The following RNF170 variants were observed in gnomAD, a reference collection of about 807,000 sequenced individuals.
The protein encoded by RNF170 is E3 ubiquitin-protein ligase RNF170.
In RNF170, 12 loss-of-function variants were observed where a neutral mutation model predicts 32.7. That is an observed-to-expected ratio of 0.37 (90% CI 0.24 to 0.60). The LOEUF is 0.60. RNF170 is among the 20% of genes least tolerant of loss of function. The pLI is 0.72. For synonymous variants in RNF170, 91 were observed against 103.6 expected, an observed-to-expected ratio of 0.88 and a Z score of 0.74; for missense variants, 212 against 311.2, an observed-to-expected ratio of 0.68 and a Z score of 2.40.
chr8:42,864,978 T>G (rs1586497027), intron 5 of RNF170, among the ~76,000 whole-genome samples: 1 of 150,320 alleles, frequency 6.7e-6, no homozygotes, highest in South Asian at 2.1e-4. Context: ...AATCGTGGGC[T>G]GGGCGTGGTA....
At chr8:42,850,495 G>A (rs1327061814), downstream of RNF170, 2 of 408,534 alleles carry the variant, frequency 4.9e-6, no homozygotes, top group East Asian at 5.2e-5. Flanking sequence ...GCCCTTTCCT[G>A]TCTTTCCCTT....
At chr8:42,897,139 G>A (rs1807003399), upstream of RNF170, 3 of 1,246,914 alleles carry the variant, frequency 2.4e-6, no homozygotes, top group African/African-American at 1.6e-5. Context: ...AAGATGTTCA[G>A]CGTAGAGTCG....
At position 42,854,570 on chromosome 8, in the gene RNF170, A is replaced by T. The variant is rs1323669805; in HGVS notation, c.*1589T>A. 1 of 1,286,948 alleles carries T rather than the reference A, an allele frequency of 7.8e-7. No homozygotes were observed. The highest frequency in any genetic ancestry group is 2.3e-5 in the Admixed American group (1 of 43,544). The allele number at this position is 1,286,948 out of a possible 1,614,324, so 79.7% of individuals were successfully genotyped here. A position where few individuals can be genotyped will look rare whatever the true frequency, so the allele number is the denominator to read the frequency against. On this transcript the variant is annotated 3_prime_UTR_variant, in exon 7 of 7. Coordinates refer to ENST00000527424, the MANE Select transcript of RNF170 (RefSeq NM_030954.4). ...AAGCAACAGCTCTGTCCTAGGTCCAAATTAGAAAAACACATATTGATATTT... is the reference window on the plus strand; with the variant it reads ...AAGCAACAGCTCTGTCCTAGGTCCATATTAGAAAAACACATATTGATATTT...
At position 42,854,313 on chromosome 8, in the gene RNF170, A is replaced by C. The variant is rs1054650639; in HGVS notation, c.*1846T>G. The C allele has an allele frequency of 7.8e-7, 1 of 1,287,230 alleles. No individual in the cohort carries two copies. 79.7% of individuals were successfully genotyped at this position (1,287,230 alleles called of 1,614,324 possible). A position where few individuals can be genotyped will look rare whatever the true frequency, so the allele number is the denominator to read the frequency against. On this transcript the variant is annotated 3_prime_UTR_variant, in exon 7 of 7. Coordinates refer to ENST00000527424, the MANE Select transcript of RNF170 (RefSeq NM_030954.4). ...ACTTTCACGTCTATCTAAACATTCT[A>C]TGCAGGAGTCCTACTAAGAAATTTT...
At chr8:42,853,290 C>T, downstream of RNF170, 1 of 1,135,766 alleles carries the variant, frequency 8.8e-7, no homozygotes, top group African/African-American at 1.6e-5. Flanking sequence ...AGAAAAATAA[C>T]ACCTTTAAAA....
chr8:42,876,333 G>A (rs182099174), intron 2 of RNF170, among the ~76,000 whole-genome samples: 25 of 151,934 alleles, frequency 1.6e-4, no homozygotes, highest in Admixed American at 1.1e-3. Flanking sequence ...AATAGCCCAA[G>A]CTGCTGAATA....
intron 2 of RNF170, among the ~76,000 whole-genome samples, chr8:42,875,990 A>C (rs907346954): frequency 2.6e-5 from 4 of 152,186 alleles, no homozygotes; most frequent in Non-Finnish European, 5.9e-5. Flanking sequence ...GTCAAGGAGC[A>C]ATCTAACTAG....
At chr8:42,893,369 A>C (rs532792693) in intron 1 of RNF170, among the ~76,000 whole-genome samples, 1 of 152,378 alleles carries the variant, frequency 6.6e-6, no homozygotes, top group South Asian at 2.1e-4. Flanking sequence ...AACTGATAGA[A>C]GTTTGCAGAG....
chr8:42,871,513 T>C (rs1482756638), intron 3 of RNF170, among the ~76,000 whole-genome samples: 5 of 152,060 alleles, frequency 3.3e-5, no homozygotes, highest in Non-Finnish European at 7.4e-5. Flanking sequence ...CTTGATGTTA[T>C]AGTCACTTAT....
intron 1 of RNF170, among the ~76,000 whole-genome samples, chr8:42,894,897 G>C (rs1423277178): frequency 6.6e-6 from 1 of 151,778 alleles, no homozygotes. Context: ...TTGGTGTAGG[G>C]AAGAATGTTT....
intron 2 of RNF170, among the ~76,000 whole-genome samples, chr8:42,886,290 CCTT>C (rs1239294938): frequency 6.6e-6 from 1 of 151,928 alleles, no homozygotes; most frequent in Non-Finnish European, 1.5e-5. Context: ...TATACAATGT[CCTT>C]CTATTTGGTG....
chr8:42,857,169 C>T (rs1443934035), intron 6 of RNF170, among the ~76,000 whole-genome samples: 4 of 152,126 alleles, frequency 2.6e-5, no homozygotes, highest in Non-Finnish European at 5.9e-5. Flanking sequence ...TCTAGATAGG[C>T]GTTTTATGTA....
intron 6 of RNF170, among the ~76,000 whole-genome samples, chr8:42,859,520 G>A (rs920001931): frequency 6.8e-4 from 103 of 152,256 alleles, no homozygotes; most frequent in Non-Finnish European, 1.6e-4. Flanking sequence ...CCAGCTACTT[G>A]GGAGGCTGAG....
upstream of RNF170, chr8:42,897,249 C>T: frequency 8.8e-7 from 1 of 1,135,880 alleles, no homozygotes. Context: ...CCGGGACCCT[C>T]CACGCGCGGC....
chr8:42,859,409 T>C (rs1473310195), intron 6 of RNF170, among the ~76,000 whole-genome samples: 5 of 145,460 alleles, frequency 3.4e-5, no homozygotes, highest in Non-Finnish European at 6.1e-5. Flanking sequence ...TCTGAGGGGG[T>C]GGATTGCTTG....
intron 3 of RNF170, 54 bp from the exon 4 acceptor site, chr8:42,870,166 G>GT (rs567330252): frequency 3.3e-5 from 40 of 1,210,150 alleles, no homozygotes; most frequent in Non-Finnish European, 4.9e-5. Context: ...GCCCTCAACA[G>GT]TATCTCATGT....
downstream of RNF170, among the ~76,000 whole-genome samples, chr8:42,852,096 A>T (rs1233117226): frequency 1.3e-5 from 2 of 152,212 alleles, no homozygotes; most frequent in Non-Finnish European, 2.9e-5. Flanking sequence ...GGAATATCAG[A>T]AGAGAATGAA....
At chr8:42,850,912 C>CA, downstream of RNF170, 1 of 1,551,704 alleles carries the variant, frequency 6.4e-7, no homozygotes, top group Non-Finnish European at 8.7e-7. Flanking sequence ...TCCGACTGTA[C>CA]AGGCAGGAGA....
chr8:42,894,638 C>G (rs1425651142), intron 1 of RNF170, among the ~76,000 whole-genome samples: 4 of 152,134 alleles, frequency 2.6e-5, no homozygotes, highest in Non-Finnish European at 5.9e-5. Context: ...GATCTCGGCT[C>G]ACTGCAACCT....
Sources: gnomAD v4.1 joint callset for allele counts (sites outside exome capture counted in the v4.1 genomes callset) on GRCh38, gnomAD v4.1.1 for gene constraint, MANE v1.5 for transcripts, NCBI Gene and HGNC (gene_info 2026-07-23, HGNC 2026-07-21) for gene names.